UACA: variants seen among roughly 807,000 people sequenced by gnomAD.
UACA encodes the protein uveal autoantigen with coiled-coil domains and ankyrin repeats.
In UACA, 112 loss-of-function variants were observed where a neutral mutation model predicts 160.5. The observed-to-expected ratio is 0.70, with a 90% CI of 0.60 to 0.82. UACA has a LOEUF of 0.82. UACA is among the 40% of genes least tolerant of loss of function. UACA has a pLI of 0.00. For synonymous variants in UACA, 557 were observed against 568.4 expected (o/e 0.98, Z 0.29); for missense variants, 1,574 against 1,614.6 (o/e 0.97, Z 0.43).
Position 70,668,720 on chromosome 15 carries a change from C to T in UACA, c.1964G>A (p.Arg655Lys), listed in dbSNP as rs746888229. The stretch of plus-strand genomic sequence containing the variant: ...TTCACTAAGTGATTTTTCATGTTCT[C>T]TTTCCATTTCTACTAATTTTTTTGC... ...EKAKKLVEMEREHEKSLSEIR... is the reference protein window; with the variant it reads ...EKAKKLVEMEKEHEKSLSEIR... The change falls in exon 16 of 19, where the codon AGA (arginine) becomes AAA (lysine). Residue 655 changes from arginine (R) to lysine (K), a missense_variant. Physicochemically the swap from Arg to Lys is conservative, Grantham distance 26. Coordinates refer to ENST00000322954, the MANE Select transcript of UACA (RefSeq NM_018003.4). The T allele has an allele frequency of 6.2e-7, 1 of 1,613,730 alleles. No homozygotes were observed.
At chr15:70,678,071 T>G in intron 11 of UACA, 28 bp downstream of exon 11, 1 of 1,488,670 alleles carries the variant, frequency 6.7e-7, no homozygotes, top group Non-Finnish European at 9.1e-7. Flanking sequence ...TAAGACAGTT[T>G]ATTTTTCTAT....
intron 1 of UACA, among the ~76,000 whole-genome samples, chr15:70,710,255 C>CA (rs1230225742): frequency 6.6e-6 from 1 of 151,882 alleles, no homozygotes; most frequent in Non-Finnish European, 1.5e-5. Context: ...ACCCTGTCTC[C>CA]AAAAAATGAA....
chr15:70,678,057 A>G (rs1897351919), intron 11 of UACA, 42 bp downstream of exon 11: 2 of 1,387,910 alleles, frequency 1.4e-6, no homozygotes, highest in Non-Finnish European at 9.9e-7. Flanking sequence ...TGCTATTGAT[A>G]TAGTAAGACA....
At chr15:70,666,434 G>A (rs1301613363) in intron 16 of UACA, among the ~76,000 whole-genome samples, 1 of 152,156 alleles carries the variant, frequency 6.6e-6, no homozygotes, top group Non-Finnish European at 1.5e-5. Flanking sequence ...TCTTTCATAT[G>A]CCACAAACCC....
Position 70,687,552 on chromosome 15 carries a change from T to C in UACA, c.590A>G (p.Asp197Gly). The C allele has an allele frequency of 6.2e-7, 1 of 1,613,796 alleles. No individual in the cohort carries two copies. The highest frequency in any genetic ancestry group is 8.5e-7 in the Non-Finnish European group (1 of 1,179,778). ...IDRGADVNSR[D>G]KQNRTALMLG... is the part of the protein sequence containing the mutation. ...ATAAAAGAATTACCTGTTTTGTTTG[T>C]CTCTGGAATTAACATCCGCTCCTCT... The change falls in exon 7 of 19, where the codon GAC becomes GGC. Residue 197 changes from aspartate to glycine, a missense_variant. Physicochemically the swap from Asp to Gly is moderately conservative, Grantham distance 94. Coordinates refer to ENST00000322954, the MANE Select transcript of UACA (RefSeq NM_018003.4).
At chr15:70,712,429 C>T (rs1191673792) in intron 1 of UACA, among the ~76,000 whole-genome samples, 1 of 152,154 alleles carries the variant, frequency 6.6e-6, no homozygotes, top group African/African-American at 2.4e-5. Flanking sequence ...ATTCTAGCCC[C>T]TTTCCTTGTG....
rs1440239377 is a variant in UACA at position 70,668,836 on chromosome 15, T to C, written c.1848A>G (p.Ala616=). The change falls in exon 16 of 19, where the codon GCA becomes GCG. Residue 616 remains alanine (A), a synonymous_variant. Coordinates refer to ENST00000322954, the MANE Select transcript of UACA (RefSeq NM_018003.4). The part of the protein sequence containing the change: ...GRKVTEMEGQ[A]KELSAKLALS... ...GGGCCAACTTCGCTGACAATTCTTT[T>C]GCCTGGCCTTCCATCTCTGTGACCT... 5 of 1,613,802 alleles carry C rather than the reference T, an allele frequency of 3.1e-6. No homozygotes were observed. The African/African-American group carries it at 4.0e-5, about 13-fold the overall frequency.
intron 1 of UACA, among the ~76,000 whole-genome samples, chr15:70,738,915 G>C (rs1350084165): frequency 2.0e-5 from 3 of 152,220 alleles, no homozygotes; most frequent in Non-Finnish European, 4.4e-5. Flanking sequence ...CTAGTAAACA[G>C]GTTGGAGGTT....
chr15:70,716,890 G>A (rs1248960610), intron 1 of UACA, among the ~76,000 whole-genome samples: 1 of 152,106 alleles, frequency 6.6e-6, no homozygotes, highest in Non-Finnish European at 1.5e-5. Flanking sequence ...TAAAAACTAA[G>A]CAGTTAATAA....
In UACA at chr15:70,668,695, T is replaced by C; in HGVS notation, c.1989A>G (p.Glu663=). The change falls in exon 16 of 19, where the codon GAA becomes GAG. Residue 663 remains glutamate, a synonymous_variant. Transcript: ENST00000322954. The part of the protein sequence containing the change: ...MEREHEKSLS[E]IRQLKRELEN... ...CAAGTTCTCTCTTTAACTGTCTAAT[T>C]TCACTAAGTGATTTTTCATGTTCTC... is the stretch of plus-strand genomic sequence containing the variant. The C allele has an allele frequency of 6.2e-7, 1 of 1,614,022 alleles. No individual in the cohort carries two copies. The highest frequency in any genetic ancestry group is 8.5e-7 in the Non-Finnish European group (1 of 1,179,988).
Position 70,669,292 on chromosome 15 carries a change from T to C in UACA, c.1392A>G (p.Gln464=), listed in dbSNP as rs1897055234. ...CTGCCACTTTGTGTGCCAGTTCATTTTGGAGCTTCAGTCGGTCTTGTTTTG... is the reference window on the plus strand; with the variant it reads ...CTGCCACTTTGTGTGCCAGTTCATTCTGGAGCTTCAGTCGGTCTTGTTTTG... The part of the protein sequence containing the change: ...ESAKQDRLKL[Q]NELAHKVAEC... The change falls in exon 16 of 19, where the codon CAA becomes CAG. Residue 464 remains glutamine, a synonymous_variant. Transcript: ENST00000322954. The C allele has an allele frequency of 6.2e-7, 1 of 1,614,004 alleles. No homozygotes were observed. The highest frequency in any genetic ancestry group is 1.3e-5 in the African/African-American group (1 of 74,926).
intron 1 of UACA, among the ~76,000 whole-genome samples, chr15:70,706,224 C>T (rs1030989021): frequency 6.6e-6 from 1 of 152,030 alleles, no homozygotes; most frequent in African/African-American, 2.4e-5. Context: ...CAAGACTCAA[C>T]ATCCTTTCAT....
chr15:70,703,692 C>G (rs371941731), intron 1 of UACA, among the ~76,000 whole-genome samples: 14 of 152,204 alleles, frequency 9.2e-5, no homozygotes, highest in African/African-American at 3.1e-4. Context: ...ATATAAGGAG[C>G]GGCCCATGTT....
At chr15:70,689,068 T>G (rs551489735) in intron 5 of UACA, among the ~76,000 whole-genome samples, 3 of 152,260 alleles carry the variant, frequency 2.0e-5, no homozygotes, top group East Asian at 3.9e-4. Flanking sequence ...AATCTACTAC[T>G]TCCAAGTCTG....
Position 70,667,984 on chromosome 15 carries a change from T to C in UACA, c.2700A>G (p.Ile900Met), listed in dbSNP as rs762576820. 1.0e-5 allele frequency: 16 copies of C among 1,599,534 alleles called. No homozygotes were observed. The highest frequency in any genetic ancestry group is 1.4e-5 in the Non-Finnish European group (16 of 1,173,882). Residue 900 changes from isoleucine (I) to methionine (M), a missense_variant, in exon 16 of 19, where the codon ATA becomes ATG. Coordinates refer to ENST00000322954, the MANE Select transcript of UACA (RefSeq NM_018003.4). ...FEDINQEFVK[I>M]KDKNEILKRN... is the part of the protein sequence containing the mutation. Reference sequence around the variant, plus strand: ...TTTTTAATATTTCATTCTTATCTTTTATTTTTACAAATTCCTGATTTATAT... The same window carrying C: ...TTTTTAATATTTCATTCTTATCTTTCATTTTTACAAATTCCTGATTTATAT...
At chr15:70,690,045 G>C (rs1897872214) in intron 5 of UACA, among the ~76,000 whole-genome samples, 1 of 151,980 alleles carries the variant, frequency 6.6e-6, no homozygotes, top group African/African-American at 2.4e-5. Context: ...GAAAAAAGAG[G>C]TTCAGACATG....
At chr15:70,705,141 C>T (rs1247109639) in intron 1 of UACA, among the ~76,000 whole-genome samples, 1 of 152,154 alleles carries the variant, frequency 6.6e-6, no homozygotes, top group Non-Finnish European at 1.5e-5. Flanking sequence ...TATGGTTCAT[C>T]CACAAGGACT....
At chr15:70,700,812 T>C (rs1898331239) in intron 1 of UACA, among the ~76,000 whole-genome samples, 1 of 152,048 alleles carries the variant, frequency 6.6e-6, no homozygotes, top group Admixed American at 6.5e-5. Context: ...GTATTATTTC[T>C]AGAACAAAAA....
intron 1 of UACA, among the ~76,000 whole-genome samples, chr15:70,753,804 T>C (rs1302948015): frequency 6.6e-6 from 1 of 152,232 alleles, no homozygotes; most frequent in Non-Finnish European, 1.5e-5. Flanking sequence ...AAATTACTTA[T>C]AATTTTTTTT....
Sources: allele counts gnomAD v4.1 joint callset (sites outside exome capture counted in the v4.1 genomes callset), GRCh38; gene constraint gnomAD v4.1.1; transcripts MANE v1.5; gene names NCBI Gene and HGNC (gene_info 2026-07-23, HGNC 2026-07-21).